Variants in SLC47A2 observed in about 807,000 individuals in gnomAD.
The protein encoded by SLC47A2 is multidrug and toxin extrusion protein 2.
In SLC47A2, 52 loss-of-function variants were observed where a neutral mutation model predicts 67.7. That is an observed-to-expected ratio of 0.77 (90% CI 0.61 to 0.97). SLC47A2 has a LOEUF of 0.97. Among genes scored for constraint, SLC47A2 ranks in the 50% least tolerant of loss-of-function variants. SLC47A2 has a pLI of 0.00. For missense variants in SLC47A2, 676 were observed against 712.3 expected, an observed-to-expected ratio of 0.95 and a Z score of 0.58; for synonymous variants, 278 against 292.9, an observed-to-expected ratio of 0.95 and a Z score of 0.52.
At chr17:19,680,516 C>T (rs920195774) in intron 15 of SLC47A2, among the ~76,000 whole-genome samples, 2 of 152,158 alleles carry the variant, frequency 1.3e-5, no homozygotes, top group African/African-American at 4.8e-5. Context: ...ATCTGTTTAT[C>T]CAGCATCTTA....
Position 19,716,564 on chromosome 17 carries a change from G to A in SLC47A2, c.-9C>T, listed in dbSNP as rs372484264. On this transcript the variant is annotated 5_prime_UTR_variant, in exon 1 of 17. Transcript: ENST00000433844. Reference sequence around the variant, plus strand: ...TCCTGGAGGCTGTCCATTCCTGGCCGGGGCACTGGCTACCCTGCACGCCTG... The same window carrying A: ...TCCTGGAGGCTGTCCATTCCTGGCCAGGGCACTGGCTACCCTGCACGCCTG... The A allele has an allele frequency of 4.5e-5, 72 of 1,595,132 alleles. No homozygotes were observed. Among genetic ancestry groups the A allele is most frequent in the Admixed American group, 1.7e-4 (10 of 57,180 alleles).
intron 13 of SLC47A2, 62 bp downstream of exon 13, chr17:19,702,543 G>A: frequency 1.9e-6 from 3 of 1,601,452 alleles, no homozygotes; most frequent in Non-Finnish European, 2.6e-6. Flanking sequence ...AGGTCCTGGG[G>A]AGGGCACAAG....
At chr17:19,701,412 G>A (rs534172725) in intron 13 of SLC47A2, among the ~76,000 whole-genome samples, 2 of 152,210 alleles carry the variant, frequency 1.3e-5, no homozygotes, top group South Asian at 4.2e-4. Context: ...GAGGCCTTTG[G>A]AAATATCCTC....
In SLC47A2 at chr17:19,681,632, C is replaced by T. The variant is rs1256237051; in HGVS notation, c.1203G>A (p.Gln401=). The T allele has an allele frequency of 3.2e-5, 52 of 1,614,028 alleles. No individual in the cohort carries two copies. In the East Asian group the frequency reaches 1.1e-3, roughly 34 times the overall value. ...YGGVLRGTGK[Q]AFGAAVNAIT... ...TGGCATTCACAGCGGCACCAAAGGC[C>T]TGCTTCCCAGTTCCTCTCAGAACTC... The change falls in exon 14 of 17, where the codon CAG becomes CAA. Residue 401 remains glutamine (Q), a synonymous_variant. Coordinates refer to ENST00000433844, the MANE Select transcript of SLC47A2 (RefSeq NM_001099646.3).
At chr17:19,715,576 A>C in intron 1 of SLC47A2, 1 of 189,726 alleles carries the variant, frequency 5.3e-6, no homozygotes. Context: ...ATACACCAAA[A>C]TCTTAGTAAT....
chr17:19,682,069 A>T (rs2085326399), intron 13 of SLC47A2, among the ~76,000 whole-genome samples: 3 of 152,166 alleles, frequency 2.0e-5, no homozygotes, highest in Admixed American at 1.3e-4. Context: ...TGTGGCTTAA[A>T]ATAACATAAA....
chr17:19,709,186 G>A (rs575131580), intron 5 of SLC47A2, among the ~76,000 whole-genome samples: 14 of 152,340 alleles, frequency 9.2e-5, no homozygotes, highest in South Asian at 2.1e-4. Context: ...GTGTGACTTC[G>A]GACGAGGGAA....
intron 9 of SLC47A2, among the ~76,000 whole-genome samples, 184 bp from the exon 10 acceptor site, chr17:19,705,687 C>A (rs1177402899): frequency 6.6e-6 from 1 of 152,096 alleles, no homozygotes; most frequent in Non-Finnish European, 1.5e-5. Flanking sequence ...GCAGCCTCCA[C>A]CTCCTGGCTT....
chr17:19,709,581 A>AGT (rs375982429), intron 5 of SLC47A2, among the ~76,000 whole-genome samples: 2,368 of 151,902 alleles, frequency 0.016, 27 homozygotes, highest in African/African-American at 0.028. Flanking sequence ...GGATAATAAT[A>AGT]GTGTGTGTGT....
At chr17:19,705,287 A>AGCAG in intron 10 of SLC47A2, 149 bp downstream of exon 10, 1 of 699,708 alleles carries the variant, frequency 1.4e-6, no homozygotes, top group Non-Finnish European at 2.3e-6. Context: ...GCGTAAGCTG[A>AGCAG]GCAGGGTCTG....
Position 19,685,794 on chromosome 17 carries a change from CAATAAATACTA to C in SLC47A2, c.1165-4135_1165-4125del, listed in dbSNP as rs1486452649. 3.0e-4 allele frequency among the ~76,000 whole-genome samples: 46 copies of C among 152,164 alleles called. No individual in the cohort carries two copies. The highest frequency in any genetic ancestry group is 9.6e-4 in the African/African-American group (40 of 41,510). Reference sequence around the variant, plus strand: ...TCTCTGAGAAACACCCAAAAATGATCAATAAATACTAAATAAATAAATAAATAAATAAACTA... The same window carrying C: ...TCTCTGAGAAACACCCAAAAATGATCAATAAATAAATAAATAAATAAACTA... On this transcript the variant is annotated intron_variant, in intron 13 of 16. Transcript: ENST00000433844. This position sits in a 1 kb window ranked among gnomAD's most constrained non-coding sequence, Gnocchi z 4.5.
chr17:19,710,615 G>C (rs377241298), intron 5 of SLC47A2, among the ~76,000 whole-genome samples: 14 of 152,022 alleles, frequency 9.2e-5, no homozygotes, highest in Admixed American at 3.3e-4. Context: ...ATCATGCCCA[G>C]CTAATTTTTG....
chr17:19,689,602 T>G (rs1347129165), intron 13 of SLC47A2, among the ~76,000 whole-genome samples: 4 of 150,394 alleles, frequency 2.7e-5, no homozygotes, highest in African/African-American at 9.8e-5. Flanking sequence ...GAGGCTGAAG[T>G]GAGAGGATCA....
rs2085418032 is a variant in SLC47A2 at position 19,685,855 on chromosome 17, T to C, written c.1165-4185A>G. Among the ~76,000 whole-genome samples, 2 of 151,990 alleles carry C rather than the reference T, an allele frequency of 1.3e-5. No homozygotes were observed. The highest frequency in any genetic ancestry group is 1.9e-4 in the East Asian group (1 of 5,208). On this transcript the variant is annotated intron_variant, in intron 13 of 16. Coordinates refer to ENST00000433844, the MANE Select transcript of SLC47A2 (RefSeq NM_001099646.3). This position sits in a 1 kb window ranked among gnomAD's most constrained non-coding sequence, Gnocchi z 4.5. The stretch of plus-strand genomic sequence containing the variant: ...ACTTTTCAAGACATAGTGTAAGATA[T>C]AAATAGAAACAACAAAGTTAAGAAA...
At chr17:19,698,894 G>T (rs891095677) in intron 13 of SLC47A2, among the ~76,000 whole-genome samples, 3 of 152,080 alleles carry the variant, frequency 2.0e-5, no homozygotes, top group Admixed American at 6.5e-5. Flanking sequence ...CTGTTACATA[G>T]CTTTTACATT....
At position 19,713,898 on chromosome 17, in the gene SLC47A2, G is replaced by GGCA; in HGVS notation, c.367_369dup (p.Cys123dup). 6.2e-7 allele frequency: 1 copy of GGCA among 1,613,816 alleles called. No individual in the cohort carries two copies. Among genetic ancestry groups the GGCA allele is most frequent in the South Asian group, 1.1e-5 (1 of 91,084 alleles). On this transcript the variant is annotated inframe_insertion, in exon 4 of 17. Transcript: ENST00000433844. ...TTGAGGAAGAGCGCCCAGCAAGGGA[G>GGCA]GCAGCAGAGGAGCAGGACCAGCGCG...
At position 19,678,398 on chromosome 17, in the gene SLC47A2, TTAA is replaced by T. The variant is rs1311532211; in HGVS notation, c.*285_*287del. On this transcript the variant is annotated 3_prime_UTR_variant, in exon 17 of 17. Coordinates refer to ENST00000433844, the MANE Select transcript of SLC47A2 (RefSeq NM_001099646.3). ...GTCCCATTTGAAGCCATTTACATTA[TTAA>T]TAATAGTGACAATCCCTGGACTCTG... is the stretch of plus-strand genomic sequence containing the variant. 2.5e-6 allele frequency: 1 copy of T among 407,580 alleles called. No individual in the cohort carries two copies. Among genetic ancestry groups the T allele is most frequent in the Non-Finnish European group, 4.5e-6 (1 of 223,712 alleles). 25.2% of individuals were successfully genotyped at this position (407,580 alleles called of 1,614,324 possible).
chr17:19,679,816 T>C (rs2085274314), intron 16 of SLC47A2, 136 bp downstream of exon 16: 3 of 854,084 alleles, frequency 3.5e-6, no homozygotes, highest in Admixed American at 3.1e-5. Context: ...TAGGACATCA[T>C]TTTCATAATA....
chr17:19,703,315 C>T (rs372449574), intron 11 of SLC47A2, 148 bp from the exon 12 acceptor site: 52 of 679,850 alleles, frequency 7.6e-5, no homozygotes, highest in African/African-American at 6.6e-4. Context: ...TCATGTCCCC[C>T]GCATCTGAGG....
Sources: gnomAD v4.1 joint callset for allele counts (sites outside exome capture counted in the v4.1 genomes callset) on GRCh38, gnomAD v4.1.1 for gene constraint, Gnocchi (gnomAD v3.1) non-coding constraint, MANE v1.5 for transcripts, NCBI Gene and HGNC (gene_info 2026-07-23, HGNC 2026-07-21) for gene names.